The following GNAL variants were observed in gnomAD, a reference collection of about 807,000 sequenced individuals.
GNAL encodes G protein subunit alpha L, also known as guanine nucleotide-binding protein G(olf) subunit alpha.
Under a neutral mutation model 55.1 loss-of-function variants are expected in GNAL, and 18 were observed. The ratio of observed to expected loss-of-function variants is 0.33; its 90% CI spans 0.23 to 0.48. GNAL has a LOEUF of 0.48. Ranked by LOEUF, GNAL falls within the 20% of genes least tolerant of loss-of-function variation. The pLI is 0.99. For missense variants in GNAL, 412 were observed against 614.1 expected, an observed-to-expected ratio of 0.67 and a Z score of 3.48; for synonymous variants, 253 against 237.0, an observed-to-expected ratio of 1.07 and a Z score of -0.62.
At chr18:11,814,861 G>A (rs1252396967) in intron 4 of GNAL, among the ~76,000 whole-genome samples, 1 of 150,318 alleles carries the variant, frequency 6.7e-6, no homozygotes, top group Non-Finnish European at 1.5e-5. Context: ...TCACGCCACT[G>A]CACTCCATCC....
At chr18:11,735,824 A>G (rs1598419506) in intron 1 of GNAL, among the ~76,000 whole-genome samples, 1 of 151,686 alleles carries the variant, frequency 6.6e-6, no homozygotes, top group East Asian at 1.9e-4. Context: ...GAAGGAAGGA[A>G]GGAAGGGAGA....
intron 4 of GNAL, among the ~76,000 whole-genome samples, chr18:11,822,078 G>A (rs1186839671): frequency 6.6e-6 from 1 of 152,242 alleles, no homozygotes; most frequent in Non-Finnish European, 1.5e-5. Context: ...AGCGGCGGAT[G>A]CGTGTGGCAC....
chr18:11,862,880 A>C (rs1598436773), intron 6 of GNAL, among the ~76,000 whole-genome samples: 1 of 135,094 alleles, frequency 7.4e-6, no homozygotes. Context: ...GCACTCCACC[A>C]TTTTTTTTTT....
Position 11,882,225 on chromosome 18 carries a change from CTTTTCAGGGAACCAGGGAT to C in GNAL, c.*1095_*1113del, listed in dbSNP as rs1326326869. On this transcript the variant is annotated 3_prime_UTR_variant, in exon 12 of 12. Transcript: ENST00000334049. ...TCAGGGGTACAAATTGCAATCTAAT[CTTTTCAGGGAACCAGGGAT>C]TTTTTTCTCTCTCTCTAGACAATAT... The C allele has an allele frequency of 2.6e-5, 4 of 152,166 alleles. No homozygotes were observed. The highest frequency in any genetic ancestry group is 2.6e-4 in the Admixed American group (4 of 15,278). The allele number at this position is 152,166 out of a possible 1,614,324, so 9.4% of individuals were successfully genotyped here.
At chr18:11,765,295 A>G (rs149112256) in intron 4 of GNAL, among the ~76,000 whole-genome samples, 1 of 152,240 alleles carries the variant, frequency 6.6e-6, no homozygotes, top group South Asian at 2.1e-4. Flanking sequence ...TGATGGATAT[A>G]TAATAGTTGT....
chr18:11,809,371 G>C (rs1286205104), intron 4 of GNAL, among the ~76,000 whole-genome samples: 3 of 152,092 alleles, frequency 2.0e-5, no homozygotes, highest in Non-Finnish European at 4.4e-5. Flanking sequence ...AATTGATGGT[G>C]GTGATGAAGG....
chr18:11,731,937 T>A (rs7237586), intron 1 of GNAL, among the ~76,000 whole-genome samples: 8,264 of 152,252 alleles, frequency 0.054, 650 homozygotes, highest in African/African-American at 0.17. Context: ...ATAAATAATC[T>A]TATAATATGT....
chr18:11,703,930 G>A (rs546165863), intron 1 of GNAL, among the ~76,000 whole-genome samples: 1 of 152,036 alleles, frequency 6.6e-6, no homozygotes, highest in Non-Finnish European at 1.5e-5. Flanking sequence ...CAGAAGAAAA[G>A]CATCTTAGTT....
chr18:11,749,220 T>C (rs1036969127), intron 1 of GNAL, among the ~76,000 whole-genome samples: 2 of 152,156 alleles, frequency 1.3e-5, no homozygotes, highest in Non-Finnish European at 2.9e-5. Context: ...TGAATATATG[T>C]CTTTACACAC....
chr18:11,770,245 G>A (rs995924731), intron 4 of GNAL, among the ~76,000 whole-genome samples: 1 of 151,910 alleles, frequency 6.6e-6, no homozygotes, highest in Non-Finnish European at 1.5e-5. Context: ...AATTCAAACT[G>A]AGTATGATTT....
In GNAL at chr18:11,689,720, C is replaced by A; in HGVS notation, c.157C>A (p.Leu53Ile). The A allele has an allele frequency of 1.3e-6, 2 of 1,497,602 alleles. No homozygotes were observed. Among genetic ancestry groups the A allele is most frequent in the South Asian group, 1.2e-5 (1 of 80,350 alleles). 92.8% of individuals were successfully genotyped at this position (1,497,602 alleles called of 1,614,324 possible). ...AAARDTARTL[L>I]PRGGEGSPAC... The stretch of plus-strand genomic sequence containing the variant: ...CGCAAGGGACACGGCCCGGACCCTG[C>A]TCCCTCGGGGCGGCGAAGGGAGCCC... The change falls in exon 1 of 12, where the codon CTC becomes ATC. Residue 53 changes from leucine (L) to isoleucine (I), a missense_variant. Coordinates refer to ENST00000334049, the MANE Select transcript of GNAL (RefSeq NM_182978.4).
chr18:11,720,434 TAGC>T (rs1338940284), intron 1 of GNAL, among the ~76,000 whole-genome samples: 1 of 152,218 alleles, frequency 6.6e-6, no homozygotes, highest in Non-Finnish European at 1.5e-5. Flanking sequence ...TCAAAATCAA[TAGC>T]AGATGTCATC....
At chr18:11,815,548 C>T (rs961333090) in intron 4 of GNAL, among the ~76,000 whole-genome samples, 8 of 152,100 alleles carry the variant, frequency 5.3e-5, no homozygotes, top group African/African-American at 1.4e-4. Flanking sequence ...ACTAAGTCAC[C>T]GAGGGGGAAG....
chr18:11,845,155 C>T (rs1049628386), intron 5 of GNAL, among the ~76,000 whole-genome samples: 3 of 152,086 alleles, frequency 2.0e-5, no homozygotes, highest in African/African-American at 4.8e-5. Flanking sequence ...TGAGCCACCA[C>T]GCCCAGCCTC....
intron 4 of GNAL, among the ~76,000 whole-genome samples, chr18:11,761,117 G>A: frequency 6.6e-6 from 1 of 152,098 alleles, no homozygotes; most frequent in East Asian, 1.9e-4. Context: ...CGGCCCCCAG[G>A]TCCCGTGGTC....
chr18:11,729,431 T>G (rs932936385), intron 1 of GNAL, among the ~76,000 whole-genome samples: 1 of 152,060 alleles, frequency 6.6e-6, no homozygotes, highest in African/African-American at 2.4e-5. Context: ...TCTCCCACAC[T>G]CCTAAGTAGC....
rs771059939 is a variant in GNAL at position 11,881,172 on chromosome 18, G to A, written c.*37G>A. 1.1e-4 allele frequency: 169 copies of A among 1,564,284 alleles called. 2 individuals carry two copies. In the South Asian group the frequency reaches 1.4e-3, roughly 13 times the overall value. ...CCACCCTGCGACGGAGCGGCGCCCC[G>A]GACTGCCTGACTGCCAGCCCCATGC... On this transcript the variant is annotated 3_prime_UTR_variant, in exon 12 of 12. Coordinates refer to ENST00000334049, the MANE Select transcript of GNAL (RefSeq NM_182978.4). This position sits in a 1 kb window ranked among gnomAD's most constrained non-coding sequence, Gnocchi z 4.8.
intron 4 of GNAL, among the ~76,000 whole-genome samples, chr18:11,819,349 C>T (rs568882321): frequency 2.0e-4 from 31 of 152,142 alleles, no homozygotes; most frequent in African/African-American, 7.0e-4. Context: ...AAAATGTTGT[C>T]AATATGAAAT....
chr18:11,727,807 G>A (rs563376398), intron 1 of GNAL, among the ~76,000 whole-genome samples: 1 of 152,290 alleles, frequency 6.6e-6, no homozygotes, highest in South Asian at 2.1e-4. Context: ...ATTTTCATTC[G>A]TTTACAGAAG....
Sources: gnomAD v4.1 joint callset for allele counts (sites outside exome capture counted in the v4.1 genomes callset) on GRCh38, gnomAD v4.1.1 for gene constraint, Gnocchi (gnomAD v3.1) non-coding constraint, MANE v1.5 for transcripts, NCBI Gene and HGNC (gene_info 2026-07-23, HGNC 2026-07-21) for gene names.